The following GNAO1 variants were observed in gnomAD, a reference collection of about 807,000 sequenced individuals.
GNAO1 encodes guanine nucleotide-binding protein G(o) subunit alpha.
For missense variants in GNAO1, 166 were observed against 478.7 expected, an observed-to-expected ratio of 0.35 and a Z score of 6.10; for synonymous variants, 164 against 180.7, an observed-to-expected ratio of 0.91 and a Z score of 0.74.
At chr16:56,250,966 C>G (rs1215346910) in intron 2 of GNAO1, among the ~76,000 whole-genome samples, 1 of 152,200 alleles carries the variant, frequency 6.6e-6, no homozygotes. Flanking sequence ...GCTCTTCGAA[C>G]ACTTGATGTT....
intron 2 of GNAO1, among the ~76,000 whole-genome samples, chr16:56,225,761 G>C (rs543725345): frequency 3.9e-5 from 6 of 152,114 alleles, no homozygotes; most frequent in Admixed American, 3.9e-4. Flanking sequence ...CATTCAGGGA[G>C]CTGCCATTCT....
chr16:56,319,626 C>A (rs1357070769), intron 3 of GNAO1, among the ~76,000 whole-genome samples: 1 of 152,126 alleles, frequency 6.6e-6, no homozygotes, highest in Admixed American at 6.5e-5. Context: ...CGTGACCAGC[C>A]GCCAGCAGCA....
chr16:56,292,844 G>C (rs1321947831), intron 3 of GNAO1, among the ~76,000 whole-genome samples: 3 of 152,244 alleles, frequency 2.0e-5, no homozygotes, highest in Admixed American at 6.5e-5. Flanking sequence ...AGCAACAGAA[G>C]TTTCTTGACA....
chr16:56,296,754 A>G (rs1254486230), intron 3 of GNAO1, among the ~76,000 whole-genome samples: 3 of 152,152 alleles, frequency 2.0e-5, no homozygotes, highest in African/African-American at 4.8e-5. Flanking sequence ...TTGCTTTTTT[A>G]GATACTTCTG....
intron 4 of GNAO1, among the ~76,000 whole-genome samples, chr16:56,334,323 C>T (rs1163277858): frequency 2.0e-5 from 3 of 152,118 alleles, no homozygotes; most frequent in African/African-American, 4.8e-5. Context: ...TTCGATGAGC[C>T]CCAGTTTTAG....
intron 6 of GNAO1, chr16:56,340,178 A>G (rs1222549839): frequency 7.9e-5 from 12 of 151,924 alleles, no homozygotes; most frequent in African/African-American, 1.2e-4. Context: ...GCTGTGTTTC[A>G]TCTTGGGGTT....
In GNAO1 at chr16:56,263,340, G is replaced by A. The variant is rs555479160; in HGVS notation, c.162-12591G>A. Among the ~76,000 whole-genome samples the A allele has an allele frequency of 2.6e-5, 4 of 152,326 alleles. No homozygotes were observed. The South Asian group carries it at 8.3e-4, about 32-fold the overall frequency. On this transcript the variant is annotated intron_variant, in intron 2 of 8. Transcript: ENST00000262493. ...CCTGTTTCATTCAGCCATTCATCCA[G>A]CATTGATTGATCATTCGCCATGTAC...
chr16:56,204,314 A>G (rs987407811), intron 2 of GNAO1, among the ~76,000 whole-genome samples: 2 of 152,140 alleles, frequency 1.3e-5, no homozygotes, highest in Admixed American at 1.3e-4. Context: ...CTTGGGAGGT[A>G]GTTCTGGCAT....
intron 3 of GNAO1, among the ~76,000 whole-genome samples, chr16:56,297,240 G>GT (rs1329808834): frequency 6.6e-6 from 1 of 152,026 alleles, no homozygotes; most frequent in Non-Finnish European, 1.5e-5. Flanking sequence ...TCTAACATTC[G>GT]TATCTGGTGT....
At chr16:56,225,072 A>T (rs553029004) in intron 2 of GNAO1, among the ~76,000 whole-genome samples, 1 of 152,336 alleles carries the variant, frequency 6.6e-6, no homozygotes, top group South Asian at 2.1e-4. Context: ...AAGGTAGGAC[A>T]GGGTGCTAAC....
At chr16:56,303,404 C>T (rs1003771099) in intron 3 of GNAO1, among the ~76,000 whole-genome samples, 3 of 152,186 alleles carry the variant, frequency 2.0e-5, no homozygotes, top group South Asian at 2.1e-4. Flanking sequence ...CCCCCACCAG[C>T]GAGGCTTGCC....
intron 6 of GNAO1, among the ~76,000 whole-genome samples, chr16:56,348,774 C>A (rs919860765): frequency 2.1e-5 from 3 of 145,546 alleles, no homozygotes; most frequent in Admixed American, 6.7e-5. Context: ...CTCCCCTGCC[C>A]TGCAGGATCT....
intron 2 of GNAO1, among the ~76,000 whole-genome samples, chr16:56,253,940 A>G (rs2036822664): frequency 6.6e-6 from 1 of 152,228 alleles, no homozygotes. Flanking sequence ...TCCAGTGTAC[A>G]CGGGGCATTT....
At chr16:56,222,382 G>C (rs2036498337) in intron 2 of GNAO1, among the ~76,000 whole-genome samples, 1 of 152,118 alleles carries the variant, frequency 6.6e-6, no homozygotes, top group African/African-American at 2.4e-5. Flanking sequence ...ACAAATTGTA[G>C]AACACTAGGA....
intron 2 of GNAO1, chr16:56,194,317 C>G: frequency 2.2e-6 from 1 of 456,212 alleles, no homozygotes; most frequent in South Asian, 1.5e-5. Flanking sequence ...GTGCATGTTG[C>G]ATCTGTCTGG....
At chr16:56,317,056 T>A (rs1208892830) in intron 3 of GNAO1, among the ~76,000 whole-genome samples, 2 of 152,208 alleles carry the variant, frequency 1.3e-5, no homozygotes, top group Admixed American at 1.3e-4. Flanking sequence ...AAAAACCTGC[T>A]TCTCAGTCAT....
intron 6 of GNAO1, chr16:56,346,208 C>A (rs2037867310): frequency 1.0e-6 from 1 of 984,936 alleles, no homozygotes. Flanking sequence ...GTGCATGACA[C>A]CTGTCATCCA....
chr16:56,260,120 G>C (rs1394542424), intron 2 of GNAO1, among the ~76,000 whole-genome samples: 2 of 152,300 alleles, frequency 1.3e-5, no homozygotes, highest in East Asian at 3.9e-4. Context: ...AGGGGTTATT[G>C]GGAGGATTCA....
intron 3 of GNAO1, among the ~76,000 whole-genome samples, chr16:56,314,305 C>T (rs2037486970): frequency 6.6e-6 from 1 of 152,152 alleles, no homozygotes; most frequent in Admixed American, 6.5e-5. Context: ...CTCACTGGTT[C>T]ATTTTTGGGA....
Sources: gnomAD v4.1 joint callset for allele counts (sites outside exome capture counted in the v4.1 genomes callset) on GRCh38, gnomAD v4.1.1 for gene constraint, MANE v1.5 for transcripts, NCBI Gene and HGNC (gene_info 2026-07-23, HGNC 2026-07-21) for gene names.